Variants in SETDB1 observed in about 807,000 individuals in gnomAD.
SETDB1 encodes SET domain bifurcated histone lysine methyltransferase 1, also known as histone-lysine N-methyltransferase SETDB1.
Under a neutral mutation model 137.4 loss-of-function variants are expected in SETDB1, and 31 were observed. The ratio of observed to expected loss-of-function variants is 0.23; its 90% confidence interval spans 0.17 to 0.30. SETDB1 has a LOEUF of 0.30. Ranked by LOEUF, SETDB1 falls within the 10% of genes least tolerant of loss-of-function variation. The pLI, the probability that SETDB1 is intolerant of heterozygous loss-of-function variation, is 1.00. For synonymous variants in SETDB1, 548 were observed against 579.9 expected (o/e 0.95, Z 0.79); for missense variants, 1,113 against 1,631.5 (o/e 0.68, Z 5.47).
rs149559744 is a variant in SETDB1 at position 150,944,922 on chromosome 1, A to G, written c.954A>G (p.Lys318=). 117 of 1,613,954 alleles carry G rather than the reference A, an allele frequency of 7.2e-5. No homozygotes were observed. Among genetic ancestry groups the G allele is most frequent in the Non-Finnish European group, 9.5e-5 (112 of 1,180,016 alleles). Residue 318 remains lysine, a synonymous_variant, in exon 9 of 22, where the codon AAA becomes AAG. Transcript: ENST00000692827. ...TCTACTTCTTCCTTGAAACAGTGAA[A>G]AAGACTTGGGAGGACATAGAAGACA... is the stretch of plus-strand genomic sequence containing the variant. ...SELYPICRPL[K]KTWEDIEDIS...
At chr1:150,947,132 T>C in intron 10 of SETDB1, 120 bp downstream of exon 10, 2 of 1,200,378 alleles carry the variant, frequency 1.7e-6, no homozygotes, top group Non-Finnish European at 2.3e-6. Flanking sequence ...AAACAGGATA[T>C]GTGCCCTGAG....
intron 19 of SETDB1, 129 bp from the exon 20 acceptor site, chr1:150,963,401 T>C (rs587597255): frequency 3.0e-4 from 267 of 901,724 alleles, no homozygotes; most frequent in Non-Finnish European, 4.2e-4. Context: ...TTAGGATCTT[T>C]GAGTTCCAGC....
intron 14 of SETDB1, among the ~76,000 whole-genome samples, chr1:150,955,533 A>G (rs1318141129): frequency 1.3e-5 from 2 of 152,114 alleles, no homozygotes; most frequent in East Asian, 1.9e-4. Context: ...TTGTGTGGCT[A>G]TCTTCTTTAA....
At chr1:150,940,958 A>C (rs1381151913) in intron 4 of SETDB1, among the ~76,000 whole-genome samples, 1 of 149,790 alleles carries the variant, frequency 6.7e-6, no homozygotes, top group East Asian at 2.0e-4. Context: ...AAATCATGCC[A>C]TTGCACTCCA....
chr1:150,944,201 C>T (rs1182748387), intron 8 of SETDB1, among the ~76,000 whole-genome samples: 1 of 152,148 alleles, frequency 6.6e-6, no homozygotes, highest in East Asian at 1.9e-4. Flanking sequence ...TCTTTGTAGA[C>T]AAAGAGTGAG....
In SETDB1 at chr1:150,951,352, C is replaced by A; in HGVS notation, c.2217-13C>A. 1 of 1,558,556 alleles carries A rather than the reference C, an allele frequency of 6.4e-7. No individual in the cohort carries two copies. The highest frequency in any genetic ancestry group is 8.8e-7 in the Non-Finnish European group (1 of 1,130,184). On this transcript the variant is annotated splice_polypyrimidine_tract_variant and intron_variant, in intron 13 of 21. Transcript: ENST00000692827. ...CCCCCCGCTCCTTTCCTTTATTTCCCTCTGTCATATAGGTCCAAGTGTGCC... is the reference window on the plus strand; with the variant it reads ...CCCCCCGCTCCTTTCCTTTATTTCCATCTGTCATATAGGTCCAAGTGTGCC...
chr1:150,956,006 T>G (rs1670625689), intron 14 of SETDB1, among the ~76,000 whole-genome samples: 1 of 148,440 alleles, frequency 6.7e-6, no homozygotes, highest in Non-Finnish European at 1.5e-5. Flanking sequence ...ATGGGAGAAT[T>G]GGTTGAACCC....
At chr1:150,945,355 T>G (rs1670292911) in intron 9 of SETDB1, 1 of 1,356,872 alleles carries the variant, frequency 7.4e-7, no homozygotes, top group Non-Finnish European at 9.6e-7. Context: ...TTTTTTTCTT[T>G]AGGAGTATTC....
chr1:150,932,593 A>G (rs587695046), intron 3 of SETDB1, among the ~76,000 whole-genome samples: 292 of 152,328 alleles, frequency 1.9e-3, no homozygotes, highest in African/African-American at 6.7e-3. Flanking sequence ...ACTTTTATAT[A>G]AACTTCAGGC....
intron 2 of SETDB1, among the ~76,000 whole-genome samples, chr1:150,928,662 G>A (rs1045435813): frequency 2.0e-5 from 3 of 152,102 alleles, no homozygotes; most frequent in Non-Finnish European, 2.9e-5. Context: ...TGTGCACAAC[G>A]TGCAGGTTTA....
chr1:150,945,102 C>A lies in SETDB1; in HGVS notation c.1134C>A (p.Leu378=), dbSNP rs1212015267. The A allele has an allele frequency of 1.2e-6, 2 of 1,613,870 alleles. No individual in the cohort carries two copies. Among genetic ancestry groups the A allele is most frequent in the East Asian group, 2.2e-5 (1 of 44,896 alleles). The stretch of plus-strand genomic sequence containing the variant: ...TGGATGGCAGCCTAGTCAGGATCCT[C>A]TTCCTGGTACTGTTCTTCTCTACAA... ...EEVDGSLVRI[L]FLDDKRCEWI... Residue 378 remains leucine (L), a synonymous_variant, in exon 9 of 22, where the codon CTC becomes CTA. Transcript: ENST00000692827.
At chr1:150,954,158 T>A (rs2102729323) in intron 14 of SETDB1, among the ~76,000 whole-genome samples, 1 of 152,244 alleles carries the variant, frequency 6.6e-6, no homozygotes. Context: ...CCAGCCTAAA[T>A]TATTTTTTAA....
intron 3 of SETDB1, among the ~76,000 whole-genome samples, chr1:150,934,791 T>G (rs1429425485): frequency 1.3e-5 from 2 of 152,086 alleles, no homozygotes; most frequent in African/African-American, 2.4e-5. Flanking sequence ...TGACAGTGGA[T>G]TCCCTCAATC....
At chr1:150,951,119 T>C in intron 13 of SETDB1, 29 bp downstream of exon 13, 4 of 1,584,896 alleles carry the variant, frequency 2.5e-6, no homozygotes, top group Non-Finnish European at 3.4e-6. Context: ...TTGCTGCCCC[T>C]GCTTCCAACT....
chr1:150,960,733 GGCAACA>G lies in SETDB1; in HGVS notation c.2677_2682del (p.Asn893_Ser894del), dbSNP rs1374495184. 6.2e-7 allele frequency: 1 copy of G among 1,611,102 alleles called. No individual in the cohort carries two copies. The highest frequency in any genetic ancestry group is 8.5e-7 in the Non-Finnish European group (1 of 1,178,722). On this transcript the variant is annotated inframe_deletion, in exon 16 of 22. Coordinates refer to ENST00000692827, the MANE Select transcript of SETDB1 (RefSeq NM_001366418.1). ...TGTAGACTTGAAGGACCAGGAAGAT[GGCAACA>G]GCGGTACAGAGGACCCTGAAGAGTC...
intron 9 of SETDB1, among the ~76,000 whole-genome samples, chr1:150,946,209 G>A (rs933940045): frequency 6.6e-5 from 10 of 151,122 alleles, no homozygotes; most frequent in Non-Finnish European, 1.0e-4. Flanking sequence ...TAGTAGAGAC[G>A]GGTTTCGCCA....
chr1:150,962,617 C>T lies in SETDB1; in HGVS notation c.3192C>T (p.Tyr1064=), dbSNP rs587733664. Residue 1064 remains tyrosine, a synonymous_variant, in exon 18 of 22, where the codon TAC becomes TAT. Coordinates refer to ENST00000692827, the MANE Select transcript of SETDB1 (RefSeq NM_001366418.1). ...VVTESSRNYG[Y]NPSPVKPEGL... Reference sequence around the variant, plus strand: ...CTGAAAGCTCTCGAAATTACGGTTACAATCCTTCTCCTGTGAAGCCTGAAG... The same window carrying T: ...CTGAAAGCTCTCGAAATTACGGTTATAATCCTTCTCCTGTGAAGCCTGAAG... The T allele has an allele frequency of 6.2e-7, 1 of 1,614,044 alleles. No homozygotes were observed. Among genetic ancestry groups the T allele is most frequent in the South Asian group, 1.1e-5 (1 of 91,072 alleles).
rs587767832 is a variant in SETDB1 at position 150,951,927 on chromosome 1, C to T, written c.2333+446C>T. Among the ~76,000 whole-genome samples the T allele has an allele frequency of 4.6e-5, 7 of 152,182 alleles. No individual in the cohort carries two copies. In the East Asian group the frequency reaches 1.2e-3, roughly 25 times the overall value. On this transcript the variant is annotated intron_variant, in intron 14 of 21. Coordinates refer to ENST00000692827, the MANE Select transcript of SETDB1 (RefSeq NM_001366418.1). ...CTTTCGGAGGCCAAGGTGGGTGGAT[C>T]ACCTGAGGTCAGGAGTTTGAGACCA...
At chr1:150,958,009 A>G (rs753618966) in intron 14 of SETDB1, among the ~76,000 whole-genome samples, 4 of 152,240 alleles carry the variant, frequency 2.6e-5, no homozygotes, top group Non-Finnish European at 5.9e-5. Context: ...CAACATGGAT[A>G]AACTCCATCT....
Sources: gnomAD v4.1 joint callset for allele counts (sites outside exome capture counted in the v4.1 genomes callset) on GRCh38, gnomAD v4.1.1 for gene constraint, MANE v1.5 for transcripts, NCBI Gene and HGNC (gene_info 2026-07-23, HGNC 2026-07-21) for gene names.